The following SNX29 variants were observed in gnomAD, a reference collection of about 807,000 sequenced individuals.
SNX29 encodes the protein sorting nexin-29.
In SNX29, 78 loss-of-function variants were observed where a neutral mutation model predicts 102.1. The observed-to-expected ratio is 0.76, with a 90% CI of 0.64 to 0.92. SNX29 has a LOEUF of 0.92. Ranked by LOEUF, SNX29 falls within the 40% of genes least tolerant of loss-of-function variation. The pLI, the probability that SNX29 is intolerant of heterozygous loss-of-function variation, is 0.00. For missense variants in SNX29, 1,280 were observed against 1,061.7 expected, an observed-to-expected ratio of 1.21 and a Z score of -2.86; for synonymous variants, 580 against 414.5, an observed-to-expected ratio of 1.40 and a Z score of -4.85.
In SNX29 at chr16:12,207,491, T is replaced by G. The variant is rs147263084; in HGVS notation, c.1678+7808T>G. Among the ~76,000 whole-genome samples, 105 of 152,338 alleles carry G rather than the reference T, an allele frequency of 6.9e-4. 1 individual carries two copies. The East Asian group carries it at 0.011, about 16-fold the overall frequency. On this transcript the variant is annotated intron_variant, in intron 14 of 20. Coordinates refer to ENST00000566228, the MANE Select transcript of SNX29 (RefSeq NM_032167.5). ...TCCCTGCTCCCGCAAGAATCCGCTG[T>G]GGGTGTTAATTGTATTTCATCTCCG... is the stretch of plus-strand genomic sequence containing the variant.
At chr16:12,555,336 T>C (rs1224302194) in intron 20 of SNX29, among the ~76,000 whole-genome samples, 1 of 151,726 alleles carries the variant, frequency 6.6e-6, no homozygotes. Context: ...TCTTGGCACC[T>C]GAGAAACATG....
At chr16:12,551,950 C>A (rs1261600318) in intron 20 of SNX29, among the ~76,000 whole-genome samples, 1 of 152,164 alleles carries the variant, frequency 6.6e-6, no homozygotes, top group African/African-American at 2.4e-5. Flanking sequence ...CAGTGAGATT[C>A]CCCAGCCAGG....
rs183932041 is a variant in SNX29, at chr16:12,271,363, C to G, written c.1679-6570C>G. ...TGCATCAGTTCCTTGCCATGAGGTT[C>G]TCTCCGTAGGAAGCTCGTAAGAATA... is the stretch of plus-strand genomic sequence containing the variant. On this transcript the variant is annotated intron_variant, in intron 14 of 20. Transcript: ENST00000566228. Among the ~76,000 whole-genome samples, 6 of 152,304 alleles carry G rather than the reference C, an allele frequency of 3.9e-5. No homozygotes were observed. In the East Asian group the frequency reaches 1.2e-3, roughly 29 times the overall value.
At chr16:12,434,857 C>G (rs545891444) in intron 18 of SNX29, among the ~76,000 whole-genome samples, 7 of 151,878 alleles carry the variant, frequency 4.6e-5, no homozygotes, top group African/African-American at 1.7e-4. Flanking sequence ...CTCCATGCTG[C>G]CACTTTGTAA....
chr16:12,564,475 T>C (rs936117962), intron 20 of SNX29, among the ~76,000 whole-genome samples: 2 of 152,248 alleles, frequency 1.3e-5, no homozygotes, highest in Admixed American at 6.5e-5. Context: ...TTATGGATCT[T>C]TCTCCAAGGT....
chr16:12,272,424 T>A (rs2079117498), intron 14 of SNX29, among the ~76,000 whole-genome samples: 1 of 152,226 alleles, frequency 6.6e-6, no homozygotes, highest in East Asian at 1.9e-4. Flanking sequence ...GTTCGCCATT[T>A]TGCGTATGTA....
intron 20 of SNX29, 30 bp from the exon 21 acceptor site, chr16:12,568,476 C>T (rs376401630): frequency 3.7e-6 from 6 of 1,607,190 alleles, no homozygotes; most frequent in Middle Eastern, 1.7e-4. Flanking sequence ...CATCCCCAGA[C>T]TTAACCCGAT....
At chr16:11,992,587 G>A (rs761057263) in intron 1 of SNX29, among the ~76,000 whole-genome samples, 35 of 151,740 alleles carry the variant, frequency 2.3e-4, no homozygotes, top group Non-Finnish European at 4.1e-4. Context: ...CAATTGTTCA[G>A]TGAGCTTGCC....
At chr16:12,004,960 T>C (rs1310396612) in intron 3 of SNX29, among the ~76,000 whole-genome samples, 3 of 152,232 alleles carry the variant, frequency 2.0e-5, no homozygotes, top group Admixed American at 6.5e-5. Context: ...CAGATGTTTC[T>C]CTAGTGCCTA....
intron 15 of SNX29, among the ~76,000 whole-genome samples, chr16:12,322,313 G>A (rs147549033): frequency 1.3e-5 from 2 of 152,244 alleles, no homozygotes; most frequent in African/African-American, 2.4e-5. Flanking sequence ...AGGGTCTCTG[G>A]TGGAAATCAG....
At chr16:12,037,514 A>C (rs1359405692) in intron 4 of SNX29, among the ~76,000 whole-genome samples, 1 of 151,936 alleles carries the variant, frequency 6.6e-6, no homozygotes, top group Non-Finnish European at 1.5e-5. Context: ...AAAAAAACGA[A>C]AGTTGCATAT....
At chr16:12,365,799 T>C (rs762012411) in intron 16 of SNX29, among the ~76,000 whole-genome samples, 3 of 151,292 alleles carry the variant, frequency 2.0e-5, no homozygotes, top group Non-Finnish European at 4.4e-5. Context: ...TCCCAGCACT[T>C]TGGGAGGCCG....
chr16:12,448,171 C>T (rs928945133), intron 18 of SNX29, among the ~76,000 whole-genome samples: 1 of 152,230 alleles, frequency 6.6e-6, no homozygotes, highest in African/African-American at 2.4e-5. Flanking sequence ...TGACCAAGGA[C>T]ACATAGCTTG....
At chr16:12,530,831 C>T (rs1038779148) in intron 20 of SNX29, among the ~76,000 whole-genome samples, 3 of 152,230 alleles carry the variant, frequency 2.0e-5, no homozygotes, top group East Asian at 1.9e-4. Context: ...GCTGGGATTA[C>T]AGGCGTGAGC....
At chr16:12,212,066 T>C (rs2077199526) in intron 14 of SNX29, among the ~76,000 whole-genome samples, 1 of 152,076 alleles carries the variant, frequency 6.6e-6, no homozygotes, top group Non-Finnish European at 1.5e-5. Flanking sequence ...CTCTCAGACG[T>C]GTTCTAGGGA....
chr16:12,403,966 G>A (rs1234703402), intron 18 of SNX29, among the ~76,000 whole-genome samples: 1 of 152,170 alleles, frequency 6.6e-6, no homozygotes, highest in Non-Finnish European at 1.5e-5. Context: ...GCAGCGCCAG[G>A]TTCTCAGCCT....
chr16:12,492,496 T>C (rs2088600571), intron 19 of SNX29, among the ~76,000 whole-genome samples: 1 of 152,202 alleles, frequency 6.6e-6, no homozygotes, highest in African/African-American at 2.4e-5. Flanking sequence ...TTCACTCTGA[T>C]GGTAGTTTCT....
intron 18 of SNX29, among the ~76,000 whole-genome samples, chr16:12,415,471 C>A (rs562682248): frequency 2.0e-5 from 3 of 152,264 alleles, no homozygotes; most frequent in Non-Finnish European, 4.4e-5. Flanking sequence ...CATTTGCCCT[C>A]ACCTACTGCC....
chr16:12,256,515 A>T (rs1329600326), intron 14 of SNX29, among the ~76,000 whole-genome samples: 2 of 152,126 alleles, frequency 1.3e-5, no homozygotes, highest in African/African-American at 4.8e-5. Flanking sequence ...TGTAGCAGAG[A>T]CGAGGTTTCA....
Sources: gnomAD v4.1 joint callset for allele counts (sites outside exome capture counted in the v4.1 genomes callset) on GRCh38, gnomAD v4.1.1 for gene constraint, MANE v1.5 for transcripts, NCBI Gene and HGNC (gene_info 2026-07-23, HGNC 2026-07-21) for gene names.